Variants in ATG13 observed in about 807,000 individuals in gnomAD.
The protein encoded by ATG13 is autophagy-related protein 13.
ATG13 carries 23 observed loss-of-function variants against 65.5 expected under a neutral mutation model. That is an observed-to-expected ratio of 0.35 (90% CI 0.25 to 0.50). The LOEUF (loss-of-function observed/expected upper bound fraction) is 0.50, where lower values mean the gene tolerates loss of function less well. ATG13 is among the 20% of genes least tolerant of loss of function. The probability of loss-of-function intolerance (pLI) is 0.98; values close to 1 mark genes in which losing one functional copy is unlikely to be tolerated. For synonymous variants in ATG13, 252 were observed against 245.2 expected, an observed-to-expected ratio of 1.03 and a Z score of -0.26; for missense variants, 566 against 677.0, an observed-to-expected ratio of 0.84 and a Z score of 1.82.
chr11:46,668,137 C>T (rs140667333), intron 15 of ATG13, among the ~76,000 whole-genome samples: 9 of 152,312 alleles, frequency 5.9e-5, no homozygotes, highest in Admixed American at 1.3e-4. Context: ...ACCTAGATAC[C>T]ATTTAGTACA....
At chr11:46,621,881 C>T (rs947056723) in intron 1 of ATG13, among the ~76,000 whole-genome samples, 1 of 151,676 alleles carries the variant, frequency 6.6e-6, no homozygotes, top group African/African-American at 2.4e-5. Context: ...TCAGATTTTC[C>T]TTACATCTAT....
At chr11:46,641,461 A>G (rs919714576) in intron 2 of ATG13, among the ~76,000 whole-genome samples, 3 of 152,232 alleles carry the variant, frequency 2.0e-5, no homozygotes, top group Non-Finnish European at 2.9e-5. Context: ...CCAACAATAT[A>G]GATGAATTGT....
At chr11:46,632,478 GAAGT>G (rs1462607580) in intron 2 of ATG13, 1 of 152,164 alleles carries the variant, frequency 6.6e-6, no homozygotes, top group Non-Finnish European at 1.5e-5. Context: ...GCCTTGATTT[GAAGT>G]AAGTGGTAAC....
intron 18 of ATG13, 67 bp downstream of exon 18, chr11:46,669,599 AGGAGGCC>A: frequency 6.4e-7 from 1 of 1,559,802 alleles, no homozygotes; most frequent in Non-Finnish European, 8.8e-7. Flanking sequence ...CCAAAGGCCT[AGGAGGCC>A]TACCACCTTC....
intron 7 of ATG13, among the ~76,000 whole-genome samples, chr11:46,652,307 G>A (rs1270637507): frequency 6.6e-6 from 1 of 151,888 alleles, no homozygotes; most frequent in African/African-American, 2.4e-5. Context: ...GAGTGCTTTT[G>A]GATACAAATA....
At chr11:46,669,966 C>A (rs1447165770) in intron 18 of ATG13, among the ~76,000 whole-genome samples, 3 of 152,110 alleles carry the variant, frequency 2.0e-5, no homozygotes, top group Non-Finnish European at 4.4e-5. Flanking sequence ...CACACTTGAC[C>A]AGATGTCCTG....
intron 7 of ATG13, among the ~76,000 whole-genome samples, chr11:46,653,171 ATTTCT>A (rs1478661949): frequency 2.9e-5 from 4 of 136,572 alleles, no homozygotes; most frequent in Admixed American, 2.2e-4. Context: ...CATACATTTC[ATTTCT>A]TTTCTTTTTT....
At chr11:46,630,528 A>G (rs566531216) in intron 2 of ATG13, among the ~76,000 whole-genome samples, 4 of 149,996 alleles carry the variant, frequency 2.7e-5, no homozygotes, top group South Asian at 2.1e-4. Flanking sequence ...CAGAAAGCTG[A>G]TAGGTAGACT....
intron 1 of ATG13, among the ~76,000 whole-genome samples, chr11:46,622,910 G>A (rs753706569): frequency 5.3e-5 from 8 of 152,116 alleles, no homozygotes; most frequent in Non-Finnish European, 2.9e-5. Context: ...TGGACTGGCC[G>A]TGGTTCAAGT....
intron 11 of ATG13, among the ~76,000 whole-genome samples, chr11:46,662,219 ATTTTTC>A (rs1473225737): frequency 6.6e-6 from 1 of 152,122 alleles, no homozygotes; most frequent in Non-Finnish European, 1.5e-5. Flanking sequence ...TATGTCTAAT[ATTTTTC>A]TTTTTATTTT....
intron 1 of ATG13, chr11:46,621,071 GT>G (rs1248871751): frequency 2.6e-5 from 4 of 151,568 alleles, no homozygotes; most frequent in Non-Finnish European, 5.9e-5. Context: ...CTGGAGTGTA[GT>G]GGTGTGATCT....
intron 11 of ATG13, chr11:46,659,776 G>A (rs1394883716): frequency 3.5e-6 from 1 of 284,190 alleles, no homozygotes; most frequent in African/African-American, 2.2e-5. Context: ...CAGAGATTTT[G>A]TCTAACTTAC....
intron 18 of ATG13, among the ~76,000 whole-genome samples, chr11:46,671,398 A>T (rs750053002): frequency 1.3e-5 from 2 of 152,166 alleles, no homozygotes; most frequent in Non-Finnish European, 2.9e-5. Context: ...TGTCTTTACC[A>T]TTCTCTCTCA....
intron 13 of ATG13, among the ~76,000 whole-genome samples, 173 bp downstream of exon 13, chr11:46,665,132 C>T (rs1343029249): frequency 6.6e-6 from 1 of 152,240 alleles, no homozygotes; most frequent in East Asian, 1.9e-4. Flanking sequence ...GCCTCTTAGA[C>T]TTCAGAAAGG....
chr11:46,625,269 CT>C (rs59095357), intron 1 of ATG13: 12,865 of 84,588 alleles, frequency 0.15, 314 homozygotes, highest in Non-Finnish European at 0.17. Context: ...CTTGCTCTTT[CT>C]TTTTTTTTTT....
intron 18 of ATG13, 56 bp from the exon 19 acceptor site, chr11:46,672,199 C>T: frequency 2.5e-6 from 4 of 1,612,372 alleles, no homozygotes; most frequent in Non-Finnish European, 3.4e-6. Flanking sequence ...ACTGGGCTGG[C>T]TGCCTCCTCA....
chr11:46,645,814 C>T (rs980247341), intron 4 of ATG13, 56 bp from the exon 5 acceptor site: 7 of 1,608,226 alleles, frequency 4.4e-6, no homozygotes, highest in Non-Finnish European at 6.0e-6. Context: ...ACACTAATTT[C>T]TTTTTCCATA....
In ATG13 at chr11:46,667,861, G is replaced by T. The variant is rs2062724050; in HGVS notation, c.1225G>T (p.Ala409Ser). The T allele has an allele frequency of 6.2e-7, 1 of 1,612,542 alleles. No individual in the cohort carries two copies. The highest frequency in any genetic ancestry group is 8.5e-7 in the Non-Finnish European group (1 of 1,178,696). The change falls in exon 15 of 19, where the codon GCT (alanine) becomes TCT (serine). Residue 409 changes from alanine (A) to serine (S), a missense_variant. Ala to Ser is a moderately conservative substitution (Grantham distance 99). Around this residue, in one of 2 missense-constraint regions of ATG13, gnomAD observed 387 missense variants for 409.8 expected, o/e 0.94. Coordinates refer to ENST00000683050, the MANE Select transcript of ATG13 (RefSeq NM_001346311.2). Reference sequence around the variant, plus strand: ...GACCATCTTTGTCCGAAAAGTGGGGGCTTTTGTCAACAAACCCATTAACCA... The same window carrying T: ...GACCATCTTTGTCCGAAAAGTGGGGTCTTTTGTCAACAAACCCATTAACCA... ...LETIFVRKVG[A>S]FVNKPINQVT...
chr11:46,662,857 A>G (rs2061462007), intron 11 of ATG13, among the ~76,000 whole-genome samples: 1 of 152,218 alleles, frequency 6.6e-6, no homozygotes, highest in Non-Finnish European at 1.5e-5. Context: ...TTTTGCCAAC[A>G]GTATAAGGAT....
Sources: gnomAD v4.1 joint callset for allele counts (sites outside exome capture counted in the v4.1 genomes callset) on GRCh38, gnomAD v4.1.1 for gene constraint, gnomAD v4.1.1 regional missense constraint, MANE v1.5 for transcripts, NCBI Gene and HGNC (gene_info 2026-07-23, HGNC 2026-07-21) for gene names.